Variants in PRKAA2 observed in about 807,000 individuals in gnomAD.
PRKAA2 encodes the protein 5'-AMP-activated protein kinase catalytic subunit alpha-2.
A neutral mutation model predicts 56.3 loss-of-function variants in PRKAA2; 40 were observed. The ratio of observed to expected loss-of-function variants is 0.71; its 90% CI spans 0.55 to 0.92. The LOEUF (loss-of-function observed/expected upper bound fraction) is 0.92, where lower values mean the gene tolerates loss of function less well. Among genes scored for constraint, PRKAA2 ranks in the 40% least tolerant of loss-of-function variants. The pLI is 0.00. For synonymous variants in PRKAA2, 214 were observed against 234.2 expected (o/e 0.91, Z 0.79); for missense variants, 542 against 686.9 (o/e 0.79, Z 2.36).
At chr1:56,680,522 T>C (rs7367180) in intron 2 of PRKAA2, among the ~76,000 whole-genome samples, 149,888 of 152,038 alleles carry the variant, frequency 0.99, 73,886 homozygotes, top group East Asian at 1. Flanking sequence ...TGCCACCCCA[T>C]GACAGGCCCT....
chr1:56,675,759 C>CA (rs1042519944), intron 2 of PRKAA2, among the ~76,000 whole-genome samples: 36 of 151,738 alleles, frequency 2.4e-4, no homozygotes, highest in Middle Eastern at 6.8e-3. Context: ...AATTTAAATA[C>CA]AAAAAAACAA....
At chr1:56,691,317 G>A in intron 2 of PRKAA2, 77 bp from the exon 3 acceptor site, 2 of 888,400 alleles carry the variant, frequency 2.3e-6, no homozygotes, top group Middle Eastern at 3.3e-4. Flanking sequence ...ATATAAAATT[G>A]TAGCAAGAGT....
chr1:56,667,494 ATAT>A (rs565734148), intron 1 of PRKAA2, among the ~76,000 whole-genome samples: 129 of 152,284 alleles, frequency 8.5e-4, no homozygotes, highest in South Asian at 3.9e-3. Context: ...ATTATTTCAT[ATAT>A]TATGAGTTAA....
intron 1 of PRKAA2, among the ~76,000 whole-genome samples, chr1:56,653,227 T>A (rs1643915296): frequency 6.6e-6 from 1 of 150,760 alleles, no homozygotes; most frequent in African/African-American, 2.4e-5. Flanking sequence ...ATTAGGTAAA[T>A]ACGTGCTATT....
chr1:56,675,527 G>C (rs552236191), intron 2 of PRKAA2, among the ~76,000 whole-genome samples: 1 of 152,068 alleles, frequency 6.6e-6, no homozygotes, highest in African/African-American at 2.4e-5. Context: ...TGGTAGTTGA[G>C]GTCAAGCCTG....
chr1:56,690,180 T>TC (rs1310512320), intron 2 of PRKAA2, among the ~76,000 whole-genome samples: 3 of 151,734 alleles, frequency 2.0e-5, no homozygotes, highest in East Asian at 1.9e-4. Flanking sequence ...TTTTTTTTTT[T>TC]TGAAGCGGAG....
Position 56,704,468 on chromosome 1 carries a change from A to T in PRKAA2, c.1286A>T (p.Glu429Val). The stretch of plus-strand genomic sequence containing the variant: ...CGAGCTATGAAGCAGCTGGATTTTG[A>T]ATGGAAGGTAGGAAATTATAATGTA... ...VYRAMKQLDF[E>V]WKVVNAYHLR... is the part of the protein sequence containing the mutation. Residue 429 changes from glutamate to valine, a missense_variant, in exon 7 of 9, where the codon GAA (glutamate) becomes GTA (valine). Physicochemically the swap from Glu to Val is moderately radical, Grantham distance 121. Around this residue, in one of 5 missense-constraint regions of PRKAA2, gnomAD observed 158 missense variants for 166.1 expected, o/e 0.95. Transcript: ENST00000371244. The T allele has an allele frequency of 6.3e-7, 1 of 1,591,618 alleles. No homozygotes were observed. Among genetic ancestry groups the T allele is most frequent in the Non-Finnish European group, 8.5e-7 (1 of 1,172,946 alleles).
intron 6 of PRKAA2, among the ~76,000 whole-genome samples, chr1:56,702,491 A>G (rs1372384843): frequency 6.6e-6 from 1 of 152,238 alleles, no homozygotes; most frequent in African/African-American, 2.4e-5. Flanking sequence ...AATGATTTTC[A>G]TCAACCACCA....
In PRKAA2 at chr1:56,665,276, G is replaced by A. The variant is rs538528405; in HGVS notation, c.95-9105G>A. Among the ~76,000 whole-genome samples the A allele has an allele frequency of 8.3e-4, 127 of 152,144 alleles. 1 individual carries two copies. The highest frequency in any genetic ancestry group is 1.6e-3 in the Non-Finnish European group (109 of 68,000). ...TTTAGTAGAGACAGGGTTTCACCAT[G>A]TTTGCCATGCTGGTCTCAAACTCCT... On this transcript the variant is annotated intron_variant, in intron 1 of 8. Coordinates refer to ENST00000371244, the MANE Select transcript of PRKAA2 (RefSeq NM_006252.4).
At chr1:56,689,667 C>T (rs528110079) in intron 2 of PRKAA2, among the ~76,000 whole-genome samples, 45 of 152,060 alleles carry the variant, frequency 3.0e-4, no homozygotes, top group African/African-American at 1.0e-3. Flanking sequence ...CGCAGTGAGC[C>T]GAGAGCATGG....
Position 56,667,495 on chromosome 1 carries a change from T to C in PRKAA2, c.95-6886T>C, listed in dbSNP as rs1644044476. Among the ~76,000 whole-genome samples the C allele has an allele frequency of 2.6e-5, 4 of 152,030 alleles. No homozygotes were observed. The South Asian group carries it at 8.4e-4, about 32-fold the overall frequency. The stretch of plus-strand genomic sequence containing the variant: ...TTTAATATGATAGCATTATTTCATA[T>C]ATTATGAGTTAAATCTTTCGTTGGG... On this transcript the variant is annotated intron_variant, in intron 1 of 8. Coordinates refer to ENST00000371244, the MANE Select transcript of PRKAA2 (RefSeq NM_006252.4).
intron 1 of PRKAA2, among the ~76,000 whole-genome samples, chr1:56,668,413 A>T (rs1343548563): frequency 2.0e-5 from 1 of 50,418 alleles, no homozygotes; most frequent in Non-Finnish European, 5.9e-5. Flanking sequence ...TTAAAGTATA[A>T]AAAAAAAAAA....
chr1:56,668,325 T>G, intron 1 of PRKAA2, among the ~76,000 whole-genome samples: 1 of 150,518 alleles, frequency 6.6e-6, no homozygotes, highest in East Asian at 2.0e-4. Flanking sequence ...GATGACGAGT[T>G]AGTGGGTGCA....
intron 1 of PRKAA2, among the ~76,000 whole-genome samples, chr1:56,655,280 A>ATATATATTTTTTTTTTTTTTTTT: frequency 2.7e-4 from 25 of 93,652 alleles, no homozygotes; most frequent in African/African-American, 8.6e-4. Context: ...ATATATATAT[A>ATATATATTTTTTTTTTTTTTTTT]TTTTTTTTTT....
chr1:56,662,885 G>T (rs1037469173), intron 1 of PRKAA2, among the ~76,000 whole-genome samples: 2 of 152,104 alleles, frequency 1.3e-5, no homozygotes. Flanking sequence ...GAATGAGCAG[G>T]AGCATTGTCA....
chr1:56,673,323 A>G (rs1160300848), intron 1 of PRKAA2, among the ~76,000 whole-genome samples: 4 of 152,124 alleles, frequency 2.6e-5, no homozygotes, highest in Non-Finnish European at 4.4e-5. Flanking sequence ...GCAGTGAGCT[A>G]TGTTCACTGC....
intron 2 of PRKAA2, among the ~76,000 whole-genome samples, chr1:56,689,705 G>GC (rs2100421502): frequency 6.6e-6 from 1 of 152,260 alleles, no homozygotes; most frequent in South Asian, 2.1e-4. Flanking sequence ...GAGTGGCAGA[G>GC]CAAGACTCTG....
At chr1:56,649,064 A>G in intron 1 of PRKAA2, among the ~76,000 whole-genome samples, 1 of 152,074 alleles carries the variant, frequency 6.6e-6, no homozygotes, top group East Asian at 1.9e-4. Context: ...ATGAGGTCCA[A>G]TTTATTAGTT....
At chr1:56,703,584 T>C (rs1453126575) in intron 6 of PRKAA2, among the ~76,000 whole-genome samples, 2 of 152,192 alleles carry the variant, frequency 1.3e-5, no homozygotes, top group African/African-American at 4.8e-5. Context: ...AAAAAGCATA[T>C]TTATTATTAT....
Sources: gnomAD v4.1 joint callset for allele counts (sites outside exome capture counted in the v4.1 genomes callset) on GRCh38, gnomAD v4.1.1 for gene constraint, gnomAD v4.1.1 regional missense constraint, MANE v1.5 for transcripts, NCBI Gene and HGNC (gene_info 2026-07-23, HGNC 2026-07-21) for gene names.